Variants in SUGCT observed in about 807,000 individuals in gnomAD.
SUGCT encodes the protein succinyl-CoA:glutarate CoA-transferase.
Under a neutral mutation model 55.0 loss-of-function variants are expected in SUGCT, and 41 were observed. The observed-to-expected ratio is 0.74, with a 90% CI of 0.58 to 0.97. The LOEUF is 0.97. Ranked by LOEUF, SUGCT falls within the 50% of genes least tolerant of loss-of-function variation. The pLI is 0.00. For missense variants in SUGCT, 568 were observed against 547.8 expected, an observed-to-expected ratio of 1.04 and a Z score of -0.37; for synonymous variants, 187 against 200.4, an observed-to-expected ratio of 0.93 and a Z score of 0.56.
At chr7:40,324,051 A>G (rs1315755566) in intron 9 of SUGCT, among the ~76,000 whole-genome samples, 1 of 151,844 alleles carries the variant, frequency 6.6e-6, no homozygotes, top group Non-Finnish European at 1.5e-5. Context: ...GAACTACCTT[A>G]TCTTTTCTCT....
At chr7:40,904,231 A>G in the SUGCT span, among the ~76,000 whole-genome samples, 602 of 152,318 alleles carry the variant, frequency 4.0e-3, 7 homozygotes, top group African/African-American at 0.014. Flanking sequence ...CATACCGAGT[A>G]TATGGCAGGG....
the SUGCT span, among the ~76,000 whole-genome samples, chr7:40,986,176 G>A: frequency 6.6e-6 from 1 of 152,116 alleles, no homozygotes; most frequent in East Asian, 1.9e-4. Context: ...TTATTTGAAA[G>A]TTTTCACACT....
At chr7:40,894,403 C>T in the SUGCT span, among the ~76,000 whole-genome samples, 1 of 152,054 alleles carries the variant, frequency 6.6e-6, no homozygotes, top group Non-Finnish European at 1.5e-5. Context: ...GGACATAGGA[C>T]CTGGCAAACA....
chr7:40,974,354 G>T, the SUGCT span, among the ~76,000 whole-genome samples: 1 of 152,176 alleles, frequency 6.6e-6, no homozygotes, highest in Admixed American at 6.5e-5. Context: ...GGTGATAAAG[G>T]TTAAATAAGG....
In SUGCT at chr7:40,244,322, G is replaced by A. The variant is rs59957970; in HGVS notation, c.576+6596G>A. 6.2e-3 allele frequency among the ~76,000 whole-genome samples: 946 copies of A among 152,278 alleles called. 7 individuals are homozygous for A. Among genetic ancestry groups the A allele is most frequent in the African/African-American group, 0.021 (893 of 41,542 alleles). On this transcript the variant is annotated intron_variant, in intron 7 of 13. Coordinates refer to ENST00000335693, the MANE Select transcript of SUGCT (RefSeq NM_001193313.2). ...GACATTCCTAGACATTCCCAGGGGA[G>A]ATCACACAGTGGAAAACAAATGCAG...
At chr7:40,319,042 T>G (rs539954441) in intron 9 of SUGCT, among the ~76,000 whole-genome samples, 1 of 152,314 alleles carries the variant, frequency 6.6e-6, no homozygotes, top group South Asian at 2.1e-4. Context: ...GACATAGGAT[T>G]TTTTTTCTCT....
At chr7:40,236,924 C>T (rs1248104782) in intron 6 of SUGCT, among the ~76,000 whole-genome samples, 1 of 152,080 alleles carries the variant, frequency 6.6e-6, no homozygotes, top group Non-Finnish European at 1.5e-5. Context: ...ACCTCCACCT[C>T]CTGGTTCAAG....
the SUGCT span, among the ~76,000 whole-genome samples, chr7:40,921,322 C>T: frequency 9.9e-5 from 15 of 152,042 alleles, no homozygotes; most frequent in Non-Finnish European, 2.9e-5. Context: ...AACAAAGAAG[C>T]ACAGGTCCCT....
At chr7:40,386,750 G>A (rs1260925349) in intron 9 of SUGCT, among the ~76,000 whole-genome samples, 1 of 152,218 alleles carries the variant, frequency 6.6e-6, no homozygotes, top group East Asian at 1.9e-4. Context: ...TGAGAAAGTA[G>A]TGGGCCCAGG....
intron 12 of SUGCT, among the ~76,000 whole-genome samples, chr7:40,654,678 C>T (rs1023021009): frequency 6.6e-6 from 1 of 152,098 alleles, no homozygotes. Flanking sequence ...GAAAACTGTC[C>T]CTAGGGGCTT....
intron 6 of SUGCT, among the ~76,000 whole-genome samples, chr7:40,206,334 G>C (rs554109593): frequency 4.6e-5 from 7 of 152,252 alleles, no homozygotes; most frequent in South Asian, 4.1e-4. Context: ...TCCATTCTTT[G>C]CATGTTTCTT....
chr7:40,222,809 T>C (rs965334055), intron 6 of SUGCT, among the ~76,000 whole-genome samples: 3 of 152,152 alleles, frequency 2.0e-5, no homozygotes, highest in African/African-American at 7.2e-5. Flanking sequence ...TTTGTATTTT[T>C]AGTAGAGATG....
rs891126865 is a variant in SUGCT, at chr7:40,621,747, G to T, written c.1089+125361G>T. ...CTTTCTGGCTTAATGCAGACCATCT[G>T]GCTATCTTATCTTTAAACCAATGAT... On this transcript the variant is annotated intron_variant, in intron 12 of 13. Coordinates refer to ENST00000335693, the MANE Select transcript of SUGCT (RefSeq NM_001193313.2). Among the ~76,000 whole-genome samples, 7 of 152,150 alleles carry T rather than the reference G, an allele frequency of 4.6e-5. No homozygotes were observed. The East Asian group carries it at 1.3e-3, about 29-fold the overall frequency.
intron 11 of SUGCT, among the ~76,000 whole-genome samples, chr7:40,460,939 G>A (rs1789762847): frequency 6.6e-6 from 1 of 152,164 alleles, no homozygotes; most frequent in Non-Finnish European, 1.5e-5. Context: ...AATTTCATAA[G>A]GAGGTCACAT....
the SUGCT span, among the ~76,000 whole-genome samples, chr7:41,017,770 C>CAAAAA: frequency 8.8e-6 from 1 of 113,198 alleles, no homozygotes. Context: ...GAGTCCGTCT[C>CAAAAA]AAAAAAAAAA....
At chr7:40,374,110 G>A (rs1010749076) in intron 9 of SUGCT, among the ~76,000 whole-genome samples, 27 of 152,146 alleles carry the variant, frequency 1.8e-4, no homozygotes, top group African/African-American at 6.3e-4. Context: ...GAACCCATGA[G>A]GCAAAATATT....
At chr7:40,402,902 T>C (rs1341255281) in intron 9 of SUGCT, among the ~76,000 whole-genome samples, 4 of 152,226 alleles carry the variant, frequency 2.6e-5, no homozygotes, top group African/African-American at 9.6e-5. Flanking sequence ...TGAGGACTAC[T>C]GTCTTCCATG....
chr7:40,816,162 A>G (rs1791659882), intron 13 of SUGCT, among the ~76,000 whole-genome samples: 2 of 152,180 alleles, frequency 1.3e-5, no homozygotes, highest in African/African-American at 2.4e-5. Flanking sequence ...TGCCTTCTAC[A>G]GTTCGGGCTG....
At chr7:40,260,244 A>G (rs1791132050) in intron 7 of SUGCT, among the ~76,000 whole-genome samples, 1 of 152,102 alleles carries the variant, frequency 6.6e-6, no homozygotes, top group Non-Finnish European at 1.5e-5. Flanking sequence ...TTATGCTGCT[A>G]ATATATATCT....
Sources: allele counts gnomAD v4.1 joint callset (sites outside exome capture counted in the v4.1 genomes callset), GRCh38; gene constraint gnomAD v4.1.1; transcripts MANE v1.5; gene names NCBI Gene and HGNC (gene_info 2026-07-23, HGNC 2026-07-21).